Variants in TBC1D4 observed in about 807,000 individuals in gnomAD.
The protein encoded by TBC1D4 is TBC (Tre-2, BUB2, CDC16) domain-containing protein.
TBC1D4 carries 121 observed loss-of-function variants against 142.5 expected under a neutral mutation model. That is an observed-to-expected ratio of 0.85 (90% CI 0.73 to 0.99). The LOEUF (loss-of-function observed/expected upper bound fraction) is 0.99. Among genes scored for constraint, TBC1D4 ranks in the 50% least tolerant of loss-of-function variants. The pLI is 0.00. For synonymous variants in TBC1D4, 630 were observed against 628.2 expected (o/e 1.00, Z -0.04); for missense variants, 1,475 against 1,606.6 (o/e 0.92, Z 1.40).
At chr13:75,402,173 G>C (rs535504167) in intron 1 of TBC1D4, among the ~76,000 whole-genome samples, 1 of 151,944 alleles carries the variant, frequency 6.6e-6, no homozygotes, top group Admixed American at 6.6e-5. Flanking sequence ...AGAGTGGGGG[G>C]GTTAAATCAT....
chr13:75,481,504 C>T lies in TBC1D4; in HGVS notation c.264G>A (p.Ala88=). The change falls in exon 1 of 21, where the codon GCG becomes GCA. Residue 88 remains alanine (A), a synonymous_variant. Coordinates refer to ENST00000377636, the MANE Select transcript of TBC1D4 (RefSeq NM_014832.5). ...GCGCGGGGACGCAACGCAGGAAGGG[C>T]GCGCTGAGCACCAGGATCACCTCTC... ...AAREVILVLS[A]PFLRCVPAPG... The T allele has an allele frequency of 6.2e-7, 1 of 1,612,106 alleles. No individual in the cohort carries two copies.
intron 1 of TBC1D4, among the ~76,000 whole-genome samples, chr13:75,440,137 G>A (rs757846441): frequency 3.9e-5 from 6 of 152,016 alleles, no homozygotes; most frequent in African/African-American, 7.2e-5. Context: ...CCACCTTTAC[G>A]TAATTCCAAA....
At chr13:75,429,574 A>G (rs903612791) in intron 1 of TBC1D4, among the ~76,000 whole-genome samples, 1 of 152,236 alleles carries the variant, frequency 6.6e-6, no homozygotes, top group Non-Finnish European at 1.5e-5. Context: ...AAAAGTTGAT[A>G]AAATTTTTCT....
At chr13:75,457,996 G>A (rs983303790) in intron 1 of TBC1D4, among the ~76,000 whole-genome samples, 1 of 152,164 alleles carries the variant, frequency 6.6e-6, no homozygotes, top group African/African-American at 2.4e-5. Flanking sequence ...ATCTAGGGGT[G>A]TTACAATTAA....
intron 1 of TBC1D4, among the ~76,000 whole-genome samples, chr13:75,429,963 G>A (rs564458836): frequency 6.3e-4 from 96 of 152,238 alleles, no homozygotes; most frequent in Non-Finnish European, 1.1e-3. Context: ...CACCCATCTG[G>A]AATAGGAGAA....
intron 9 of TBC1D4, among the ~76,000 whole-genome samples, chr13:75,327,342 T>C (rs2297204): frequency 0.32 from 48,163 of 149,794 alleles, 8,823 homozygotes; most frequent in Non-Finnish European, 0.42. Flanking sequence ...CTACCGAGAG[T>C]TGTCAATGAG....
Position 75,299,437 on chromosome 13 carries a change from C to A in TBC1D4, c.3049G>T (p.Val1017Phe), listed in dbSNP as rs376022083. The change falls in exon 17 of 21, where the codon GTC (valine) becomes TTC (phenylalanine). Residue 1017 changes from valine to phenylalanine, a missense_variant. Val to Phe is a conservative substitution (Grantham distance 50). Coordinates refer to ENST00000377636, the MANE Select transcript of TBC1D4 (RefSeq NM_014832.5). ...TCTTCACTCATGTGCAGAAGCAGGA[C>A]TCCAGCCACAAAGCTGATCCCCTGA... ...YCQGISFVAG[V>F]LLLHMSEEQA... 1 of 1,614,160 alleles carries A rather than the reference C, an allele frequency of 6.2e-7. No homozygotes were observed. The highest frequency in any genetic ancestry group is 8.5e-7 in the Non-Finnish European group (1 of 1,180,022).
intron 1 of TBC1D4, among the ~76,000 whole-genome samples, chr13:75,474,947 C>T (rs770909884): frequency 6.6e-6 from 1 of 152,072 alleles, no homozygotes; most frequent in Non-Finnish European, 1.5e-5. Flanking sequence ...CATAATTTAA[C>T]CTTTCTATAT....
chr13:75,481,741 A>G lies in TBC1D4; in HGVS notation c.27T>C (p.Asp9=). MEPPSCIQ[D]EPFPHPLEPE... is the part of the protein sequence containing the mutation. ...GCTCCAGGGGGTGCGGGAACGGCTC[A>G]TCCTGAATGCAGCTGGGCGGCTCCA... Residue 9 remains aspartate, a synonymous_variant, in exon 1 of 21, where the codon GAT becomes GAC. Coordinates refer to ENST00000377636, the MANE Select transcript of TBC1D4 (RefSeq NM_014832.5). 1 of 1,592,978 alleles carries G rather than the reference A, an allele frequency of 6.3e-7. No homozygotes were observed. Among genetic ancestry groups the G allele is most frequent in the African/African-American group, 1.4e-5 (1 of 73,198 alleles).
intron 1 of TBC1D4, among the ~76,000 whole-genome samples, chr13:75,365,690 T>C (rs534383301): frequency 1.3e-5 from 2 of 152,320 alleles, no homozygotes; most frequent in Non-Finnish European, 2.9e-5. Flanking sequence ...CTTATATGTG[T>C]TGTATCTTTT....
At chr13:75,320,759 C>G (rs1593721966) in intron 11 of TBC1D4, among the ~76,000 whole-genome samples, 1 of 151,230 alleles carries the variant, frequency 6.6e-6, no homozygotes, top group South Asian at 2.1e-4. Flanking sequence ...GCGCGGTGCT[C>G]ATGCCTGTAA....
chr13:75,352,281 C>T (rs536895936), intron 4 of TBC1D4, among the ~76,000 whole-genome samples: 33 of 152,214 alleles, frequency 2.2e-4, no homozygotes, highest in African/African-American at 7.9e-4. Context: ...GATTTTGTAT[C>T]TCATCCCTCT....
At chr13:75,302,480 T>C (rs1160261389) in intron 15 of TBC1D4, 79 bp from the exon 16 acceptor site, 1 of 1,564,972 alleles carries the variant, frequency 6.4e-7, no homozygotes, top group Non-Finnish European at 8.8e-7. Context: ...CACTATATAA[T>C]TCTGGTAAAC....
intron 12 of TBC1D4, among the ~76,000 whole-genome samples, chr13:75,319,311 T>C (rs1486670957): frequency 1.3e-5 from 2 of 152,190 alleles, no homozygotes; most frequent in African/African-American, 4.8e-5. Flanking sequence ...TGGGCATGTA[T>C]CTTTTTCACT....
At chr13:75,414,042 G>C (rs1258376132) in intron 1 of TBC1D4, among the ~76,000 whole-genome samples, 4 of 152,210 alleles carry the variant, frequency 2.6e-5, no homozygotes, top group Admixed American at 6.5e-5. Flanking sequence ...GTGATGTACA[G>C]TGATCAAGCA....
At position 75,482,076 on chromosome 13, in the gene TBC1D4, G is replaced by A; in HGVS notation, c.-309C>T. 1 of 300,666 alleles carries A rather than the reference G, an allele frequency of 3.3e-6. No individual in the cohort carries two copies. The highest frequency in any genetic ancestry group is 6.0e-6 in the Non-Finnish European group (1 of 165,598). 18.6% of individuals were successfully genotyped at this position (300,666 alleles called of 1,614,324 possible). A position where few individuals can be genotyped will look rare whatever the true frequency, so the allele number is the denominator to read the frequency against. ...CCTCCCCTTCCTCCGTCGCGGGTTT[G>A]CAGGGTCAGAGGACCACGCCGAGGG... is the stretch of plus-strand genomic sequence containing the variant. On this transcript the variant is annotated 5_prime_UTR_variant, in exon 1 of 21. Transcript: ENST00000377636.
intron 9 of TBC1D4, among the ~76,000 whole-genome samples, chr13:75,326,680 G>C (rs1255777753): frequency 6.6e-6 from 1 of 152,260 alleles, no homozygotes; most frequent in South Asian, 2.1e-4. Flanking sequence ...GACAGCATCC[G>C]TAAAGACAGG....
chr13:75,288,894 G>T (rs755272980), intron 20 of TBC1D4, 40 bp downstream of exon 20: 2 of 1,589,078 alleles, frequency 1.3e-6, no homozygotes, highest in East Asian at 2.2e-5. Context: ...CATGCAGGAG[G>T]CATTGAAGTA....
At chr13:75,373,467 AGGAAAGG>A (rs1883324704) in intron 1 of TBC1D4, among the ~76,000 whole-genome samples, 1 of 152,210 alleles carries the variant, frequency 6.6e-6, no homozygotes, top group Non-Finnish European at 1.5e-5. Flanking sequence ...TTAGGCTAGA[AGGAAAGG>A]CAATAGCAAG....
Sources: gnomAD v4.1 joint callset for allele counts (sites outside exome capture counted in the v4.1 genomes callset) on GRCh38, gnomAD v4.1.1 for gene constraint, MANE v1.5 for transcripts, NCBI Gene and HGNC (gene_info 2026-07-23, HGNC 2026-07-21) for gene names.